Variants in CALCR observed in about 807,000 individuals in gnomAD.
CALCR encodes the protein calcitonin receptor.
A neutral mutation model predicts 59.5 loss-of-function variants in CALCR; 47 were observed. The observed-to-expected ratio is 0.79, with a 90% CI of 0.63 to 1.01. CALCR has a LOEUF of 1.01. Ranked by LOEUF, CALCR falls within the 50% of genes least tolerant of loss-of-function variation. The pLI is 0.00. For synonymous variants in CALCR, 213 were observed against 211.3 expected, an observed-to-expected ratio of 1.01 and a Z score of -0.07; for missense variants, 566 against 597.1, an observed-to-expected ratio of 0.95 and a Z score of 0.54.
At chr7:93,525,195 C>T (rs968012079) in intron 2 of CALCR, among the ~76,000 whole-genome samples, 1 of 152,070 alleles carries the variant, frequency 6.6e-6, no homozygotes, top group African/African-American at 2.4e-5. Context: ...TTAAACATTC[C>T]TATCTTCCCT....
At chr7:93,512,807 T>C (rs1180948531) in intron 2 of CALCR, among the ~76,000 whole-genome samples, 1 of 152,130 alleles carries the variant, frequency 6.6e-6, no homozygotes, top group Non-Finnish European at 1.5e-5. Context: ...AGGGGTATCA[T>C]ATAATTCCAA....
intron 2 of CALCR, among the ~76,000 whole-genome samples, chr7:93,487,765 T>G (rs746952904): frequency 4.0e-5 from 6 of 151,176 alleles, no homozygotes; most frequent in Non-Finnish European, 4.4e-5. Flanking sequence ...TAGGGGTGAG[T>G]GGTTATGACT....
At chr7:93,481,326 G>A (rs1041980618) in intron 3 of CALCR, among the ~76,000 whole-genome samples, 1 of 151,700 alleles carries the variant, frequency 6.6e-6, no homozygotes, top group African/African-American at 2.4e-5. Flanking sequence ...TTAAAGTTGC[G>A]GGGTGGGGTG....
At chr7:93,538,732 C>A (rs1334499752) in intron 2 of CALCR, among the ~76,000 whole-genome samples, 1 of 152,036 alleles carries the variant, frequency 6.6e-6, no homozygotes, top group Non-Finnish European at 1.5e-5. Flanking sequence ...CTTCATGAAC[C>A]TTTTCATGTG....
chr7:93,481,127 G>T (rs1800786905), intron 3 of CALCR, among the ~76,000 whole-genome samples: 1 of 151,826 alleles, frequency 6.6e-6, no homozygotes, highest in Admixed American at 6.6e-5. Flanking sequence ...ATGTTGTGAG[G>T]ATGAACAAGA....
chr7:93,462,215 T>C, intron 7 of CALCR: 2 of 577,296 alleles, frequency 3.5e-6, no homozygotes, highest in Non-Finnish European at 6.0e-6. Context: ...AGTAACTCAT[T>C]AATAAATAAT....
At chr7:93,429,784 C>A (rs1406336230) in intron 13 of CALCR, among the ~76,000 whole-genome samples, 1 of 151,608 alleles carries the variant, frequency 6.6e-6, no homozygotes, top group African/African-American at 2.4e-5. Flanking sequence ...GTAACGCCCA[C>A]TCCTTCACAC....
chr7:93,429,852 T>TA (rs1799610255), intron 13 of CALCR, among the ~76,000 whole-genome samples: 1 of 118,616 alleles, frequency 8.4e-6, no homozygotes, highest in African/African-American at 3.4e-5. Context: ...AAAATCATGA[T>TA]TAAAAAAAAA....
rs556325409 is a variant in CALCR at position 93,489,021 on chromosome 7, A to T, written c.-26-2014T>A. 2.6e-5 allele frequency among the ~76,000 whole-genome samples: 4 copies of T among 151,970 alleles called. No individual in the cohort carries two copies. The East Asian group carries it at 7.8e-4, about 30-fold the overall frequency. ...TCGACCACATAATTGGAAGTAAAAC[A>T]TTCCTCAGCAAAAGCAAAAGAACTA... On this transcript the variant is annotated intron_variant, in intron 2 of 13. Transcript: ENST00000426151.
intron 6 of CALCR, among the ~76,000 whole-genome samples, chr7:93,469,402 C>T (rs1210955146): frequency 6.6e-6 from 1 of 150,964 alleles, no homozygotes; most frequent in East Asian, 2.0e-4. Context: ...GAATGTCCTT[C>T]TCATAAAATG....
chr7:93,569,535 C>G (rs1182620447), intron 2 of CALCR, among the ~76,000 whole-genome samples: 2 of 152,120 alleles, frequency 1.3e-5, no homozygotes, highest in Admixed American at 1.3e-4. Context: ...TAGAAAATTT[C>G]CCTGATGTCC....
chr7:93,431,069 T>C (rs1298214484), intron 13 of CALCR, among the ~76,000 whole-genome samples: 2 of 152,088 alleles, frequency 1.3e-5, no homozygotes, highest in Non-Finnish European at 2.9e-5. Context: ...ATGTAGAATA[T>C]GATATAGGTA....
intron 2 of CALCR, among the ~76,000 whole-genome samples, chr7:93,556,452 A>C (rs990322375): frequency 6.6e-6 from 1 of 152,098 alleles, no homozygotes; most frequent in African/African-American, 2.4e-5. Context: ...AACAAAATAC[A>C]TATTTTAAAT....
chr7:93,427,891 C>G (rs187957047), intron 13 of CALCR, among the ~76,000 whole-genome samples: 2 of 150,340 alleles, frequency 1.3e-5, no homozygotes, highest in African/African-American at 4.8e-5. Flanking sequence ...TTTATCTTCA[C>G]ACAGCACAGC....
In CALCR at chr7:93,504,572, C is replaced by T. The variant is rs79404733; in HGVS notation, c.-26-17565G>A. Among the ~76,000 whole-genome samples the T allele has an allele frequency of 3.5e-3, 532 of 152,274 alleles. 3 individuals are homozygous for T. Among genetic ancestry groups the T allele is most frequent in the African/African-American group, 0.012 (500 of 41,562 alleles). ...ATTCAAATAGTACTCGTAAATATGT[C>T]TACCATGATCCATAAGTTTTTAAGA... is the stretch of plus-strand genomic sequence containing the variant. On this transcript the variant is annotated intron_variant, in intron 2 of 13. Coordinates refer to ENST00000426151, the MANE Select transcript of CALCR (RefSeq NM_001742.4).
chr7:93,454,289 G>A (rs1041470400), intron 8 of CALCR, among the ~76,000 whole-genome samples: 3 of 151,864 alleles, frequency 2.0e-5, no homozygotes, highest in Non-Finnish European at 4.4e-5. Flanking sequence ...ACAGCCTGGT[G>A]GCTCAATCGT....
rs2115889550 is a variant in CALCR at position 93,479,400 on chromosome 7, G to C, written c.159C>G (p.Tyr53Ter). The change falls in exon 4 of 14, where the codon TAC becomes TAG. Residue 53 changes from tyrosine to a stop codon, truncating the protein, a stop_gained. Coordinates refer to ENST00000426151, the MANE Select transcript of CALCR (RefSeq NM_001742.4). LOFTEE classifies it high-confidence loss of function. ...ACTGCTGCATTCGGTCATAGCATTT[G>C]TACTGTGCATCCATCATCTTCTTTC... ...VGRKKMMDAQ[Y>*]KCYDRMQQLP... 6.2e-7 allele frequency: 1 copy of C among 1,612,448 alleles called. No individual in the cohort carries two copies. Among genetic ancestry groups the C allele is most frequent in the Admixed American group, 1.7e-5 (1 of 59,868 alleles).
intron 2 of CALCR, among the ~76,000 whole-genome samples, chr7:93,536,349 T>C (rs1174261350): frequency 6.6e-6 from 1 of 151,820 alleles, no homozygotes; most frequent in African/African-American, 2.4e-5. Flanking sequence ...ATCTGTCTCA[T>C]AGTGCCATTC....
chr7:93,533,959 T>C (rs565225099), intron 2 of CALCR, among the ~76,000 whole-genome samples: 40 of 151,944 alleles, frequency 2.6e-4, no homozygotes, highest in African/African-American at 9.6e-4. Context: ...ACCATCTCTT[T>C]ATCCCACATT....
Sources: allele counts gnomAD v4.1 joint callset (sites outside exome capture counted in the v4.1 genomes callset), GRCh38; gene constraint gnomAD v4.1.1; transcripts MANE v1.5; gene names NCBI Gene and HGNC (gene_info 2026-07-23, HGNC 2026-07-21).